Variants in NEDD4L observed in about 807,000 individuals in gnomAD.
The protein encoded by NEDD4L is E3 ubiquitin-protein ligase NEDD4-like.
In NEDD4L, 54 loss-of-function variants were observed where a neutral mutation model predicts 148.9. That is an observed-to-expected ratio of 0.36 (90% confidence interval 0.29 to 0.45). The LOEUF is 0.45. Ranked by LOEUF, NEDD4L falls within the 20% of genes least tolerant of loss-of-function variation. The pLI is 1.00. For synonymous variants in NEDD4L, 433 were observed against 440.7 expected (o/e 0.98, Z 0.22); for missense variants, 856 against 1,233.8 (o/e 0.69, Z 4.59).
chr18:58,367,560 G>A (rs2046289378), intron 21 of NEDD4L, among the ~76,000 whole-genome samples, 186 bp from the exon 22 acceptor site: 3 of 152,202 alleles, frequency 2.0e-5, no homozygotes, highest in South Asian at 2.1e-4. Context: ...GGGCACATGC[G>A]TCAGCCTCCA....
At chr18:58,127,840 C>CA (rs113559692) in intron 1 of NEDD4L, among the ~76,000 whole-genome samples, 44,530 of 110,358 alleles carry the variant, frequency 0.4, 9,705 homozygotes, top group East Asian at 0.51. Context: ...GACTCCGTCT[C>CA]AAAAAAAAAA....
intron 10 of NEDD4L, among the ~76,000 whole-genome samples, chr18:58,329,442 C>A (rs561617081): frequency 6.6e-6 from 1 of 151,994 alleles, no homozygotes; most frequent in Non-Finnish European, 1.5e-5. Flanking sequence ...CTGCAACCTC[C>A]GCCTCCTGGG....
Position 58,235,297 on chromosome 18 carries a change from C to T in NEDD4L, c.123-10130C>T, listed in dbSNP as rs553131259. ...CTAACAGGTTTTATTGTTGCTTACT[C>T]ACTTGAAAAGTGTCTCCCTTGGCTA... On this transcript the variant is annotated intron_variant, in intron 2 of 30. Transcript: ENST00000400345. Among the ~76,000 whole-genome samples the T allele has an allele frequency of 2.6e-5, 4 of 152,282 alleles. No individual in the cohort carries two copies. In the South Asian group the frequency reaches 8.3e-4, roughly 32 times the overall value.
chr18:58,216,414 T>A (rs187013958), intron 2 of NEDD4L, among the ~76,000 whole-genome samples: 89 of 152,016 alleles, frequency 5.9e-4, no homozygotes, highest in African/African-American at 2.1e-3. Context: ...AGTGGCTTGG[T>A]GTGATTTATT....
chr18:58,382,716 G>C (rs933998345), intron 24 of NEDD4L, among the ~76,000 whole-genome samples: 1 of 152,140 alleles, frequency 6.6e-6, no homozygotes, highest in Admixed American at 6.6e-5. Context: ...TGAGGAGAAG[G>C]CGTCCAATGC....
intron 13 of NEDD4L, 130 bp downstream of exon 13, chr18:58,335,667 T>G: frequency 1.4e-6 from 1 of 725,774 alleles, no homozygotes; most frequent in Non-Finnish European, 2.5e-6. Flanking sequence ...CTGCACACGT[T>G]TCTTATTTTA....
rs937961005 is a variant in NEDD4L at position 58,152,501 on chromosome 18, CA to C, written c.49-13286del. On this transcript the variant is annotated intron_variant, in intron 1 of 30. Transcript: ENST00000400345. ...TTCTTTGGGGAAGAGGGGATCCCTG[CA>C]GAGGAGTCCAGTTGCAAATGTGAAA... Among the ~76,000 whole-genome samples the C allele has an allele frequency of 2.0e-5, 3 of 152,332 alleles. No individual in the cohort carries two copies. The East Asian group carries it at 5.8e-4, about 29-fold the overall frequency.
intron 2 of NEDD4L, among the ~76,000 whole-genome samples, chr18:58,174,239 G>T (rs966648980): frequency 2.0e-5 from 3 of 152,044 alleles, no homozygotes; most frequent in African/African-American, 7.2e-5. Context: ...CTTTTTATGG[G>T]CTCAGAATAG....
At chr18:58,307,407 C>A (rs2057196352) in intron 5 of NEDD4L, among the ~76,000 whole-genome samples, 1 of 152,094 alleles carries the variant, frequency 6.6e-6, no homozygotes, top group Admixed American at 6.6e-5. Flanking sequence ...TTTTCGTAGT[C>A]ATGTGACAAG....
At chr18:58,200,560 T>C (rs1267565116) in intron 2 of NEDD4L, among the ~76,000 whole-genome samples, 4 of 152,238 alleles carry the variant, frequency 2.6e-5, no homozygotes, top group Admixed American at 2.6e-4. Context: ...ATTTTCGTAT[T>C]AAGATAACGT....
At chr18:58,227,039 C>T (rs2044445123) in intron 2 of NEDD4L, among the ~76,000 whole-genome samples, 1 of 152,202 alleles carries the variant, frequency 6.6e-6, no homozygotes, top group South Asian at 2.1e-4. Context: ...AGCTGCCTAC[C>T]CTGCAGCCTG....
At chr18:58,394,871 G>A (rs1419961706) in intron 30 of NEDD4L, among the ~76,000 whole-genome samples, 1 of 152,202 alleles carries the variant, frequency 6.6e-6, no homozygotes, top group Non-Finnish European at 1.5e-5. Flanking sequence ...AAGTTACTTT[G>A]CTCATTCTTG....
chr18:58,260,121 T>C (rs2049162065), intron 5 of NEDD4L, among the ~76,000 whole-genome samples: 1 of 152,178 alleles, frequency 6.6e-6, no homozygotes, highest in African/African-American at 2.4e-5. Context: ...TTGAGATTAC[T>C]GTTTCTACCA....
intron 24 of NEDD4L, among the ~76,000 whole-genome samples, chr18:58,381,490 A>G (rs2048326160): frequency 6.6e-6 from 1 of 152,210 alleles, no homozygotes; most frequent in African/African-American, 2.4e-5. Context: ...AGTGTATTAC[A>G]GGGATTGTGG....
intron 9 of NEDD4L, among the ~76,000 whole-genome samples, chr18:58,326,892 T>C (rs893620638): frequency 3.3e-5 from 5 of 152,170 alleles, no homozygotes; most frequent in Non-Finnish European, 7.3e-5. Context: ...TTAAAATATA[T>C]ACTATTTTTT....
rs184302615 is a variant in NEDD4L, at chr18:58,134,224, C to T, written c.49-31564C>T. Among the ~76,000 whole-genome samples, 335 of 152,232 alleles carry T rather than the reference C, an allele frequency of 2.2e-3. 2 individuals are homozygous for T. Among genetic ancestry groups the T allele is most frequent in the African/African-American group, 7.3e-3 (303 of 41,524 alleles). On this transcript the variant is annotated intron_variant, in intron 1 of 30. Coordinates refer to ENST00000400345, the MANE Select transcript of NEDD4L (RefSeq NM_001144967.3). ...CCATGTTGGCCAGGCTGGTCTCAAACTCCTGGCCTCAGGTGATCCATCCGC... is the reference window on the plus strand; with the variant it reads ...CCATGTTGGCCAGGCTGGTCTCAAATTCCTGGCCTCAGGTGATCCATCCGC...
chr18:58,235,468 C>T (rs1335261089), intron 2 of NEDD4L, among the ~76,000 whole-genome samples: 4 of 152,134 alleles, frequency 2.6e-5, no homozygotes, highest in African/African-American at 7.2e-5. Flanking sequence ...AAGTGCAAGC[C>T]GAGTCCTGGG....
In NEDD4L at chr18:58,245,501, T is replaced by A. The variant is rs774104851; in HGVS notation, c.197T>A (p.Ile66Asn). The part of the protein sequence containing the change: ...RELALVQTKT[I>N]KKTLNPKWNE... ...CTTGCTTTGGTCCAGACAAAAACAA[T>A]TAAAAAGGTAGGTGTCGATCTTTAA... The change falls in exon 3 of 31, where the codon ATT (isoleucine) becomes AAT (asparagine). Residue 66 changes from isoleucine to asparagine, a missense_variant. Ile to Asn is a moderately radical substitution (Grantham distance 149, BLOSUM62 -3). Transcript: ENST00000400345. 6.5e-7 allele frequency: 1 copy of A among 1,547,896 alleles called. No homozygotes were observed. The highest frequency in any genetic ancestry group is 8.9e-7 in the Non-Finnish European group (1 of 1,129,388).
intron 1 of NEDD4L, among the ~76,000 whole-genome samples, chr18:58,082,100 A>T (rs201458621): frequency 0.063 from 4,559 of 72,038 alleles, 262 homozygotes; most frequent in African/African-American, 0.22. Context: ...ATATATATAT[A>T]TATTTTTTTT....
Sources: gnomAD v4.1 joint callset for allele counts (sites outside exome capture counted in the v4.1 genomes callset) on GRCh38, gnomAD v4.1.1 for gene constraint, MANE v1.5 for transcripts, NCBI Gene and HGNC (gene_info 2026-07-23, HGNC 2026-07-21) for gene names.